COTL1: variants seen among roughly 807,000 people sequenced by gnomAD.
COTL1 encodes the protein coactosin-like protein.
Under a neutral mutation model 16.5 loss-of-function variants are expected in COTL1, and 15 were observed. That is an observed-to-expected ratio of 0.91 (90% CI 0.61 to 1.40). The LOEUF is 1.40. Ranked by LOEUF, COTL1 falls within the 40% of genes most tolerant of loss-of-function variation. The pLI, the probability that COTL1 is intolerant of heterozygous loss-of-function variation, is 0.00. For missense variants in COTL1, 220 were observed against 201.5 expected (o/e 1.09, Z -0.56); for synonymous variants, 112 against 85.3 (o/e 1.31, Z -1.73).
chr16:84,594,330 G>C (rs1457461614), intron 2 of COTL1: 1 of 152,408 alleles, frequency 6.6e-6, no homozygotes, highest in African/African-American at 2.4e-5. Context: ...GGGGCTGCCA[G>C]GTGGCCACAG....
intron 3 of COTL1, among the ~76,000 whole-genome samples, chr16:84,570,287 A>G (rs2150679279): frequency 6.6e-6 from 1 of 152,314 alleles, no homozygotes; most frequent in African/African-American, 2.4e-5. Flanking sequence ...AAAAAGAAAA[A>G]TAAGTTTGAT....
chr16:84,605,307 C>G (rs1054464395), intron 2 of COTL1, among the ~76,000 whole-genome samples: 1 of 152,192 alleles, frequency 6.6e-6, no homozygotes, highest in Admixed American at 6.5e-5. Context: ...GCCTGGCCTG[C>G]GTACTGCCTC....
rs1171752872 is a variant in COTL1, at chr16:84,590,266, T to C, written c.161-4A>G. ...AAGGCAAACAACCGGACGTCATCTGTGGCCAAAAGCGAAAAGAGAACATGG... is the reference window on the plus strand; with the variant it reads ...AAGGCAAACAACCGGACGTCATCTGCGGCCAAAAGCGAAAAGAGAACATGG... On this transcript the variant is annotated splice_region_variant and splice_polypyrimidine_tract_variant and intron_variant, in intron 2 of 3. Coordinates refer to ENST00000262428, the MANE Select transcript of COTL1 (RefSeq NM_021149.5). The surrounding 1 kb of genome is among the most constrained non-coding windows in gnomAD (Gnocchi z 5.5). 3 of 1,613,386 alleles carry C rather than the reference T, an allele frequency of 1.9e-6. No homozygotes were observed. Among genetic ancestry groups the C allele is most frequent in the African/African-American group, 2.7e-5 (2 of 74,918 alleles).
chr16:84,586,074 G>C (rs1380741761), intron 3 of COTL1, among the ~76,000 whole-genome samples: 1 of 152,184 alleles, frequency 6.6e-6, no homozygotes, highest in African/African-American at 2.4e-5. Flanking sequence ...CGGACACTGA[G>C]GAAAGAGGCC....
chr16:84,591,665 A>C (rs1343140356), intron 2 of COTL1, among the ~76,000 whole-genome samples: 1 of 109,686 alleles, frequency 9.1e-6, no homozygotes, highest in Non-Finnish European at 2.0e-5. Context: ...AAAAAAAAAA[A>C]CCAAAAAATT....
chr16:84,593,076 A>G (rs1197102734), intron 2 of COTL1, among the ~76,000 whole-genome samples: 7 of 152,234 alleles, frequency 4.6e-5, no homozygotes, highest in Non-Finnish European at 1.0e-4. Flanking sequence ...TTTCATCATC[A>G]ACATCCAAAT....
intron 2 of COTL1, among the ~76,000 whole-genome samples, chr16:84,612,617 T>C (rs2150697724): frequency 6.6e-6 from 1 of 152,210 alleles, no homozygotes; most frequent in African/African-American, 2.4e-5. Context: ...ACCCCGTCTC[T>C]ACTAAAAATA....
Position 84,595,969 on chromosome 16 carries a change from T to C in COTL1, c.161-5707A>G, listed in dbSNP as rs544536332. The C allele has an allele frequency of 8.5e-5, 13 of 152,274 alleles. No homozygotes were observed. In the Middle Eastern group the frequency reaches 0.014, roughly 159 times the overall value. 9.4% of individuals were successfully genotyped at this position (152,274 alleles called of 1,614,324 possible). ...TATGTGTGTTATATATACATGTATG[T>C]GTATATGTGTGTGTGTATGCACTAA... On this transcript the variant is annotated intron_variant, in intron 2 of 3. Transcript: ENST00000262428.
chr16:84,586,706 C>T (rs1024244990), intron 3 of COTL1, among the ~76,000 whole-genome samples: 1 of 152,122 alleles, frequency 6.6e-6, no homozygotes, highest in Non-Finnish European at 1.5e-5. Flanking sequence ...GCCTCAGCCT[C>T]CCGAGTAGCT....
At position 84,566,565 on chromosome 16, in the gene COTL1, G is replaced by T; in HGVS notation, c.*280C>A. ...GCACCTCGGATCTGATGGCAGGCAG[G>T]ACCTTGCATCAAAATGACTTTTCTT... is the stretch of plus-strand genomic sequence containing the variant. On this transcript the variant is annotated 3_prime_UTR_variant, in exon 4 of 4. Coordinates refer to ENST00000262428, the MANE Select transcript of COTL1 (RefSeq NM_021149.5). 2.7e-6 allele frequency: 1 copy of T among 374,512 alleles called. No individual in the cohort carries two copies. Among genetic ancestry groups the T allele is most frequent in the East Asian group, 5.3e-5 (1 of 18,696 alleles). 23.2% of individuals were successfully genotyped at this position (374,512 alleles called of 1,614,324 possible).
At chr16:84,605,808 G>C (rs913323030) in intron 2 of COTL1, among the ~76,000 whole-genome samples, 5 of 152,208 alleles carry the variant, frequency 3.3e-5, no homozygotes, top group African/African-American at 1.2e-4. Context: ...AGAACTATAA[G>C]ATGATGCATT....
intron 2 of COTL1, among the ~76,000 whole-genome samples, chr16:84,603,367 C>A (rs9934549): frequency 6.7e-6 from 1 of 150,374 alleles, no homozygotes; most frequent in Non-Finnish European, 1.5e-5. Flanking sequence ...CAGGGCTCTG[C>A]GCCAGGCTCT....
intron 2 of COTL1, among the ~76,000 whole-genome samples, chr16:84,610,087 G>A (rs2966318): frequency 0.55 from 84,246 of 152,010 alleles, 25,198 homozygotes; most frequent in Non-Finnish European, 0.68. Flanking sequence ...CAACACTGGT[G>A]TCTCCCAAGG....
intron 2 of COTL1, among the ~76,000 whole-genome samples, chr16:84,598,689 A>G (rs1051019062): frequency 1.5e-5 from 2 of 137,192 alleles, no homozygotes; most frequent in Non-Finnish European, 3.2e-5. Flanking sequence ...TCTCTGGAAG[A>G]GAGAGGGATG....
At chr16:84,588,759 C>T (rs1217949979) in intron 3 of COTL1, among the ~76,000 whole-genome samples, 2 of 151,454 alleles carry the variant, frequency 1.3e-5, no homozygotes, top group African/African-American at 4.9e-5. Context: ...ACAAGCAATC[C>T]TCCCACCTTA....
At chr16:84,615,618 T>C (rs1187638846) in intron 2 of COTL1, among the ~76,000 whole-genome samples, 1 of 152,120 alleles carries the variant, frequency 6.6e-6, no homozygotes, top group Non-Finnish European at 1.5e-5. Context: ...AAAGCAGAAA[T>C]ACTGCTGACT....
rs181269257 is a variant in COTL1 at position 84,580,699 on chromosome 16, C to T, written c.318+9406G>A. Reference sequence around the variant, plus strand: ...GGCTCAAGAACTAGTCCTCCCTAAGCCTCAGTTTCCTCATCTGTATATTGG... The same window carrying T: ...GGCTCAAGAACTAGTCCTCCCTAAGTCTCAGTTTCCTCATCTGTATATTGG... On this transcript the variant is annotated intron_variant, in intron 3 of 3. Coordinates refer to ENST00000262428, the MANE Select transcript of COTL1 (RefSeq NM_021149.5). Among the ~76,000 whole-genome samples the T allele has an allele frequency of 1.6e-3, 245 of 152,320 alleles. 1 individual carries two copies. The highest frequency in any genetic ancestry group is 2.6e-3 in the Non-Finnish European group (178 of 68,016).
intron 2 of COTL1, chr16:84,616,036 C>T (rs995757762): frequency 3.3e-5 from 5 of 152,188 alleles, no homozygotes; most frequent in African/African-American, 9.7e-5. Context: ...TTATTTATTT[C>T]GCAAACAATC....
chr16:84,566,507 G>A lies in COTL1; in HGVS notation c.*338C>T, dbSNP rs188279251. The A allele has an allele frequency of 3.2e-3, 674 of 213,116 alleles. 3 individuals carry two copies. The highest frequency in any genetic ancestry group is 5.1e-3 in the Non-Finnish European group (543 of 106,152). The allele number at this position is 213,116 out of a possible 1,614,324, so 13.2% of individuals were successfully genotyped here. On this transcript the variant is annotated 3_prime_UTR_variant, in exon 4 of 4. Transcript: ENST00000262428. ...ACTAGGCAGACCTCGTCGCGTGGAA[G>A]AGAAATGCCAGGAAAAGGGGTCACT...
Sources: gnomAD v4.1 joint callset for allele counts (sites outside exome capture counted in the v4.1 genomes callset) on GRCh38, gnomAD v4.1.1 for gene constraint, Gnocchi (gnomAD v3.1) non-coding constraint, MANE v1.5 for transcripts, NCBI Gene and HGNC (gene_info 2026-07-23, HGNC 2026-07-21) for gene names.